The following LAMC1 variants were observed in gnomAD, a reference collection of about 807,000 sequenced individuals.
LAMC1 encodes laminin subunit gamma 1.
A neutral mutation model predicts 173.6 loss-of-function variants in LAMC1; 38 were observed. The observed-to-expected ratio is 0.22, with a 90% CI of 0.17 to 0.29. The LOEUF (loss-of-function observed/expected upper bound fraction) is 0.29. Ranked by LOEUF, LAMC1 falls within the 10% of genes least tolerant of loss-of-function variation. The pLI is 1.00. For missense variants in LAMC1, 1,824 were observed against 2,051.8 expected, an observed-to-expected ratio of 0.89 and a Z score of 2.14; for synonymous variants, 746 against 749.1, an observed-to-expected ratio of 1.00 and a Z score of 0.07.
At position 183,067,475 on chromosome 1, in the gene LAMC1, TTTGTTG is replaced by T. The variant is rs373552407; in HGVS notation, c.419-35832_419-35827del. 1.8e-3 allele frequency among the ~76,000 whole-genome samples: 268 copies of T among 151,914 alleles called. 4 individuals are homozygous for T. The highest frequency in any genetic ancestry group is 5.1e-3 in the African/African-American group (212 of 41,468). The stretch of plus-strand genomic sequence containing the variant: ...ATATATATAGATATACATATATATT[TTTGTTG>T]TTGTTGTTGTTGTTGTTGTTTTTGA... On this transcript the variant is annotated intron_variant, in intron 1 of 27. Coordinates refer to ENST00000258341, the MANE Select transcript of LAMC1 (RefSeq NM_002293.4).
At chr1:183,048,871 C>T (rs1311566543) in intron 1 of LAMC1, among the ~76,000 whole-genome samples, 1 of 152,176 alleles carries the variant, frequency 6.6e-6, no homozygotes, top group African/African-American at 2.4e-5. Context: ...ACACAGGAAG[C>T]CAAAGCCCTC....
rs535911275 is a variant in LAMC1 at position 183,043,730 on chromosome 1, A to G, written c.418+19596A>G. 5.5e-4 allele frequency among the ~76,000 whole-genome samples: 84 copies of G among 152,326 alleles called. 2 individuals carry two copies. The South Asian group carries it at 0.016, about 30-fold the overall frequency. On this transcript the variant is annotated intron_variant, in intron 1 of 27. Coordinates refer to ENST00000258341, the MANE Select transcript of LAMC1 (RefSeq NM_002293.4). ...AAAGTATTTCTATTCCTCTAGGGAC[A>G]TCCGTTCAATTTTTGTTGTTGCTTC...
intron 14 of LAMC1, 137 bp downstream of exon 14, chr1:183,125,013 T>C: frequency 8.7e-7 from 1 of 1,153,698 alleles, no homozygotes; most frequent in Non-Finnish European, 1.2e-6. Context: ...TTTAAAATTT[T>C]CTAGTCACCA....
Position 183,136,599 on chromosome 1 carries a change from C to A in LAMC1, c.4314+14C>A. On this transcript the variant is annotated intron_variant, in intron 25 of 27. Transcript: ENST00000258341. ...GCTGTCCAAAAGGTGTGCGTTTCCT[C>A]TTCTCCAAGAGTCCCTGCCCATATC... 6.4e-7 allele frequency: 1 copy of A among 1,574,116 alleles called. No individual in the cohort carries two copies. Among genetic ancestry groups the A allele is most frequent in the East Asian group, 2.3e-5 (1 of 43,174 alleles).
rs1402097658 is a variant in LAMC1 at position 183,142,997 on chromosome 1, G to A, written c.*207G>A. On this transcript the variant is annotated 3_prime_UTR_variant, in exon 28 of 28. Coordinates refer to ENST00000258341, the MANE Select transcript of LAMC1 (RefSeq NM_002293.4). ...GGAACAAAGGGTTTTATCTAATAAAGTGTCTCTTCCATTCACGTTGCTACC... is the reference window on the plus strand; with the variant it reads ...GGAACAAAGGGTTTTATCTAATAAAATGTCTCTTCCATTCACGTTGCTACC... The A allele has an allele frequency of 5.5e-6, 3 of 544,916 alleles. No individual in the cohort carries two copies. Among genetic ancestry groups the A allele is most frequent in the Middle Eastern group, 5.0e-4 (1 of 2,004 alleles). The allele number at this position is 544,916 out of a possible 1,614,324, so 33.8% of individuals were successfully genotyped here.
intron 14 of LAMC1, 25 bp downstream of exon 14, chr1:183,124,901 G>A: frequency 6.2e-7 from 1 of 1,609,810 alleles, no homozygotes; most frequent in South Asian, 1.1e-5. Flanking sequence ...ATCAGATTCT[G>A]TCACAGCTAA....
At position 183,135,064 on chromosome 1, in the gene LAMC1, G is replaced by A. The variant is rs372436112; in HGVS notation, c.4022G>A (p.Arg1341Gln). The A allele has an allele frequency of 2.9e-5, 47 of 1,613,930 alleles. No homozygotes were observed. The highest frequency in any genetic ancestry group is 1.6e-4 in the African/African-American group (12 of 74,912). ...CAGACCGCAGACCAACTCCTAGCCC[G>A]AGCTGATGCTGCCAAGGCCCTCGCT... ...EQQTADQLLA[R>Q]ADAAKALAEE... Residue 1341 changes from arginine to glutamine, a missense_variant, in exon 24 of 28, where the codon CGA becomes CAA. By Grantham distance (43) the Arg-to-Gln change is conservative (BLOSUM62 1). Transcript: ENST00000258341.
intron 18 of LAMC1, 40 bp downstream of exon 18, chr1:183,128,790 A>T: frequency 6.7e-7 from 1 of 1,492,486 alleles, no homozygotes; most frequent in East Asian, 2.3e-5. Context: ...TGTGAGATGG[A>T]CCAATCTTTA....
intron 1 of LAMC1, among the ~76,000 whole-genome samples, chr1:183,038,064 C>T (rs1654030252): frequency 7.1e-6 from 1 of 141,494 alleles, no homozygotes; most frequent in Non-Finnish European, 1.5e-5. Flanking sequence ...GAGACAGAGT[C>T]TTGCTCTGTT....
intron 4 of LAMC1, among the ~76,000 whole-genome samples, chr1:183,111,567 A>G (rs1221073651): frequency 6.6e-6 from 1 of 152,222 alleles, no homozygotes; most frequent in Admixed American, 6.5e-5. Flanking sequence ...AACATTGTTT[A>G]TCCCTTCATA....
At position 183,134,260 on chromosome 1, in the gene LAMC1, G is replaced by C. The variant is rs147791806; in HGVS notation, c.3850-400G>C. Among the ~76,000 whole-genome samples the C allele has an allele frequency of 4.5e-3, 683 of 152,300 alleles. 8 individuals carry two copies. The highest frequency in any genetic ancestry group is 0.016 in the African/African-American group (648 of 41,564). On this transcript the variant is annotated intron_variant, in intron 22 of 27. Coordinates refer to ENST00000258341, the MANE Select transcript of LAMC1 (RefSeq NM_002293.4). ...GTTTAGGTCTCTTTAGATATGTACA[G>C]ATTGTCTGATTCTATATATTTATAA... is the stretch of plus-strand genomic sequence containing the variant.
At chr1:183,071,922 A>G (rs1655021244) in intron 1 of LAMC1, among the ~76,000 whole-genome samples, 1 of 152,324 alleles carries the variant, frequency 6.6e-6, no homozygotes, top group South Asian at 2.1e-4. Flanking sequence ...TGCAGATGTC[A>G]ACTTCTGAAA....
chr1:183,109,675 A>T (rs1257745376), intron 3 of LAMC1, among the ~76,000 whole-genome samples: 1 of 152,238 alleles, frequency 6.6e-6, no homozygotes, highest in African/African-American at 2.4e-5. Context: ...ACTATCAATG[A>T]TTCTGAAGTA....
At chr1:183,093,152 A>G (rs1170081689) in intron 1 of LAMC1, among the ~76,000 whole-genome samples, 1 of 152,168 alleles carries the variant, frequency 6.6e-6, no homozygotes, top group Non-Finnish European at 1.5e-5. Context: ...TCTCTAACAG[A>G]AAATAAGAAA....
At chr1:183,130,609 T>C in intron 19 of LAMC1, 60 bp downstream of exon 19, 1 of 1,341,378 alleles carries the variant, frequency 7.5e-7, no homozygotes, top group Non-Finnish European at 1.1e-6. Flanking sequence ...TTGTAGCAAG[T>C]CTGTTACTGG....
rs548062457 is a variant in LAMC1, at chr1:183,107,339, G to A, written c.724-937G>A. On this transcript the variant is annotated intron_variant, in intron 2 of 27. Transcript: ENST00000258341. ...AATGAGAGTGGGAAATAGGGAGTTGGGTAGGGGTAGCAATGTTAGATAAGG... is the reference window on the plus strand; with the variant it reads ...AATGAGAGTGGGAAATAGGGAGTTGAGTAGGGGTAGCAATGTTAGATAAGG... Among the ~76,000 whole-genome samples, 15 of 152,280 alleles carry A rather than the reference G, an allele frequency of 9.9e-5. No homozygotes were observed. The East Asian group carries it at 2.7e-3, about 27-fold the overall frequency.
Position 183,117,546 on chromosome 1 carries a change from G to A in LAMC1, c.1700G>A (p.Gly567Asp). 1 of 1,613,950 alleles carries A rather than the reference G, an allele frequency of 6.2e-7. No homozygotes were observed. The highest frequency in any genetic ancestry group is 8.5e-7 in the Non-Finnish European group (1 of 1,179,872). Residue 567 changes from glycine (G) to aspartate (D), a missense_variant, in exon 10 of 28, where the codon GGC becomes GAC. Transcript: ENST00000258341. ...GTCTGTATTCCAGCAAAGTTCTTGG[G>A]CAAGCAGGTGTTGAGTTATGGTCAG... ...RYFIAPAKFL[G>D]KQVLSYGQNL...
chr1:183,031,253 C>T (rs562060592), intron 1 of LAMC1, among the ~76,000 whole-genome samples: 1 of 152,268 alleles, frequency 6.6e-6, no homozygotes, highest in Non-Finnish European at 1.5e-5. Flanking sequence ...GGCCGATGAG[C>T]AGTAACCACA....
intron 1 of LAMC1, among the ~76,000 whole-genome samples, chr1:183,080,368 CA>C (rs1306890934): frequency 2.0e-5 from 3 of 152,168 alleles, no homozygotes; most frequent in Non-Finnish European, 2.9e-5. Context: ...GATAGCTGAT[CA>C]CTGATGAAAT....
Sources: allele counts gnomAD v4.1 joint callset (sites outside exome capture counted in the v4.1 genomes callset), GRCh38; gene constraint gnomAD v4.1.1; transcripts MANE v1.5; gene names NCBI Gene and HGNC (gene_info 2026-07-23, HGNC 2026-07-21).